Variants in FAM227B observed in about 807,000 individuals in gnomAD.
FAM227B encodes family with sequence similarity 227 member B.
A neutral mutation model predicts 73.8 loss-of-function variants in FAM227B; 88 were observed. That is an observed-to-expected ratio of 1.19 (90% confidence interval 1.00 to 1.42). The LOEUF (loss-of-function observed/expected upper bound fraction) is 1.42. FAM227B is among the 40% of genes most tolerant of loss of function. The pLI, the probability that FAM227B is intolerant of heterozygous loss-of-function variation, is 0.00. For synonymous variants in FAM227B, 210 were observed against 190.5 expected (o/e 1.10, Z -0.84); for missense variants, 632 against 590.9 (o/e 1.07, Z -0.72).
intron 13 of FAM227B, among the ~76,000 whole-genome samples, chr15:49,357,760 C>G (rs1396260198): frequency 1.3e-5 from 2 of 151,968 alleles, no homozygotes; most frequent in African/African-American, 4.8e-5. Flanking sequence ...ATTCTGATAC[C>G]AAAGCCAAGC....
chr15:49,369,420 A>T (rs1471577257), intron 12 of FAM227B, among the ~76,000 whole-genome samples: 1 of 152,196 alleles, frequency 6.6e-6, no homozygotes, highest in African/African-American at 2.4e-5. Context: ...TCCATGAAAC[A>T]AGACTTTTAT....
intron 11 of FAM227B, among the ~76,000 whole-genome samples, chr15:49,507,677 T>C (rs1208509010): frequency 6.6e-6 from 1 of 152,062 alleles, no homozygotes; most frequent in African/African-American, 2.4e-5. Flanking sequence ...GTAAATGAAT[T>C]GGTATTTCAA....
At chr15:49,355,297 A>G (rs1270381923) in intron 13 of FAM227B, among the ~76,000 whole-genome samples, 1 of 152,240 alleles carries the variant, frequency 6.6e-6, no homozygotes, top group Non-Finnish European at 1.5e-5. Flanking sequence ...ACTCTGAGCT[A>G]CGGGAGGACA....
Position 49,371,315 on chromosome 15 carries a change from C to A in FAM227B, c.1097G>T (p.Arg366Ile). Residue 366 changes from arginine to isoleucine, a missense_variant, in exon 12 of 16, where the codon AGA (arginine) becomes ATA (isoleucine). Transcript: ENST00000299338. The part of the protein sequence containing the change: ...PISKEESRLS[R>I]LATKSHYSST... ...TATACTCCAAACCTTTGTTGCTAGT[C>A]TTGATAATCTTGATTCTTCCTTGGA... 6.3e-7 allele frequency: 1 copy of A among 1,585,462 alleles called. No individual in the cohort carries two copies. Among genetic ancestry groups the A allele is most frequent in the South Asian group, 1.1e-5 (1 of 88,998 alleles).
Position 49,589,960 on chromosome 15 carries a change from T to G in FAM227B, c.153A>C (p.Ser51=), listed in dbSNP as rs144645849. The G allele has an allele frequency of 2.2e-4, 350 of 1,608,322 alleles. No individual in the cohort carries two copies. The highest frequency in any genetic ancestry group is 2.8e-4 in the Non-Finnish European group (324 of 1,175,064). The change falls in exon 4 of 16, where the codon TCA becomes TCC. Residue 51 remains serine (S), a synonymous_variant. Coordinates refer to ENST00000299338, the MANE Select transcript of FAM227B (RefSeq NM_152647.3). ...CTTCTTTTATTTTTTTCAGAGTGCA[T>G]GACCATTTATCATCATCTCTAAAAT... ...EIHFRDDDKW[S]CTLKKIKEDS...
At chr15:49,332,574 T>C (rs1360953486) in intron 14 of FAM227B, among the ~76,000 whole-genome samples, 3 of 152,000 alleles carry the variant, frequency 2.0e-5, no homozygotes, top group East Asian at 1.9e-4. Flanking sequence ...CAAGGAAGGA[T>C]AGAAACTTGA....
intron 13 of FAM227B, among the ~76,000 whole-genome samples, chr15:49,360,737 A>T (rs1469038057): frequency 6.6e-6 from 1 of 152,210 alleles, no homozygotes; most frequent in African/African-American, 2.4e-5. Flanking sequence ...ATAAAACTCC[A>T]AAGATCATCC....
intron 9 of FAM227B, among the ~76,000 whole-genome samples, chr15:49,557,627 G>A (rs898003430): frequency 5.1e-4 from 78 of 152,180 alleles, no homozygotes; most frequent in African/African-American, 1.8e-3. Flanking sequence ...GAGGAGCGAA[G>A]CCAGGCAGCT....
At chr15:49,530,343 A>C (rs1416546013) in intron 10 of FAM227B, among the ~76,000 whole-genome samples, 3 of 151,840 alleles carry the variant, frequency 2.0e-5, no homozygotes, top group Non-Finnish European at 4.4e-5. Context: ...CATTCCACAC[A>C]CAAACTGCCT....
chr15:49,416,607 T>C (rs977454362), intron 11 of FAM227B, among the ~76,000 whole-genome samples: 4 of 152,010 alleles, frequency 2.6e-5, no homozygotes, highest in African/African-American at 9.7e-5. Context: ...ATGTAGAAAA[T>C]CGCATAGTCT....
At chr15:49,343,292 T>C (rs930192031) in intron 13 of FAM227B, among the ~76,000 whole-genome samples, 1 of 152,160 alleles carries the variant, frequency 6.6e-6, no homozygotes, top group African/African-American at 2.4e-5. Context: ...TCTGAGGTTT[T>C]TTCTTCTGCT....
chr15:49,396,659 C>G (rs980683886), intron 11 of FAM227B, among the ~76,000 whole-genome samples: 1 of 151,878 alleles, frequency 6.6e-6, no homozygotes, highest in African/African-American at 2.4e-5. Context: ...TGAGAACGGG[C>G]AGACTGCCTC....
rs546257942 is a variant in FAM227B at position 49,452,662 on chromosome 15, T to C, written c.1012+55549A>G. 9.0e-4 allele frequency among the ~76,000 whole-genome samples: 137 copies of C among 152,314 alleles called. 5 individuals are homozygous for C. The South Asian group carries it at 0.027, about 30-fold the overall frequency. On this transcript the variant is annotated intron_variant, in intron 11 of 15. Coordinates refer to ENST00000299338, the MANE Select transcript of FAM227B (RefSeq NM_152647.3). ...CTTAGTTTGGGTTCAAATCTGAGATTTGAGAGAAATCCTATTATTTCTGGG... is the reference window on the plus strand; with the variant it reads ...CTTAGTTTGGGTTCAAATCTGAGATCTGAGAGAAATCCTATTATTTCTGGG...
chr15:49,406,855 A>G (rs942829720), intron 11 of FAM227B, among the ~76,000 whole-genome samples: 2 of 152,080 alleles, frequency 1.3e-5, no homozygotes, highest in African/African-American at 2.4e-5. Context: ...CGGGCTGGCC[A>G]TGGGGACTGC....
intron 11 of FAM227B, chr15:49,483,216 T>C (rs755456715): frequency 3.1e-6 from 5 of 1,589,474 alleles, no homozygotes; most frequent in South Asian, 1.1e-5. Context: ...AAGTGAATTC[T>C]ATCTTGCAAT....
chr15:49,429,524 C>T (rs2050410315), intron 11 of FAM227B, among the ~76,000 whole-genome samples: 1 of 151,838 alleles, frequency 6.6e-6, no homozygotes, highest in South Asian at 2.1e-4. Flanking sequence ...ACTCTTTAAC[C>T]TACAGTTCTA....
chr15:49,350,688 C>T (rs537420879), intron 13 of FAM227B, among the ~76,000 whole-genome samples: 59 of 152,248 alleles, frequency 3.9e-4, no homozygotes, highest in African/African-American at 1.4e-3. Flanking sequence ...TAATTTTTGA[C>T]CTTGGTGGGT....
intron 13 of FAM227B, among the ~76,000 whole-genome samples, chr15:49,355,903 C>T (rs1186390268): frequency 1.3e-5 from 2 of 151,840 alleles, no homozygotes; most frequent in African/African-American, 4.8e-5. Context: ...CGGCAGAAAC[C>T]CTACAAGCCA....
At chr15:49,334,584 G>A (rs1415021892) in intron 14 of FAM227B, among the ~76,000 whole-genome samples, 1 of 152,138 alleles carries the variant, frequency 6.6e-6, no homozygotes, top group African/African-American at 2.4e-5. Flanking sequence ...AGCACAGGAA[G>A]TCTAAGGGAT....
Sources: gnomAD v4.1 joint callset for allele counts (sites outside exome capture counted in the v4.1 genomes callset) on GRCh38, gnomAD v4.1.1 for gene constraint, MANE v1.5 for transcripts, NCBI Gene and HGNC (gene_info 2026-07-23, HGNC 2026-07-21) for gene names.